Variants in COLQ observed in about 807,000 individuals in gnomAD.
COLQ encodes the protein collagen like tail subunit of asymmetric acetylcholinesterase, also known as acetylcholinesterase collagenic tail peptide.
A neutral mutation model predicts 69.0 loss-of-function variants in COLQ; 48 were observed. The ratio of observed to expected loss-of-function variants is 0.70; its 90% confidence interval spans 0.55 to 0.88. The LOEUF is 0.88. Ranked by LOEUF, COLQ falls within the 40% of genes least tolerant of loss-of-function variation. The pLI is 0.00. For synonymous variants in COLQ, 217 were observed against 211.2 expected (o/e 1.03, Z -0.24); for missense variants, 618 against 594.6 (o/e 1.04, Z -0.41).
intron 12 of COLQ, among the ~76,000 whole-genome samples, chr3:15,460,320 A>G (rs2062093826): frequency 6.6e-6 from 1 of 152,226 alleles, no homozygotes. Context: ...TAAAAGTCAC[A>G]TTCTGGCTGG....
At chr3:15,457,427 G>A (rs1406290010) in intron 13 of COLQ, among the ~76,000 whole-genome samples, 1 of 151,960 alleles carries the variant, frequency 6.6e-6, no homozygotes, top group African/African-American at 2.4e-5. Context: ...GAGTGAGTAG[G>A]CATAAAGAGA....
At chr3:15,513,412 C>T (rs1285860850) in intron 1 of COLQ, among the ~76,000 whole-genome samples, 1 of 152,184 alleles carries the variant, frequency 6.6e-6, no homozygotes, top group East Asian at 1.9e-4. Flanking sequence ...GTGTCTATGC[C>T]AGAGCGCTTC....
intron 1 of COLQ, among the ~76,000 whole-genome samples, chr3:15,492,134 G>A (rs1477179457): frequency 6.6e-6 from 1 of 151,872 alleles, no homozygotes; most frequent in East Asian, 1.9e-4. Flanking sequence ...AACCATATTA[G>A]AATACATAAT....
intron 3 of COLQ, among the ~76,000 whole-genome samples, chr3:15,485,697 C>A (rs990934225): frequency 1.3e-5 from 2 of 152,180 alleles, no homozygotes. Context: ...GTGGCTTATG[C>A]CTATAATCTC....
rs908011552 is a variant in COLQ, at chr3:15,456,096, G to C, written c.1075-77C>G. ...CGCAGGCAGGGAGGTCATTGGTTTT[G>C]GTCCAAAGGCACTGCTGGGGGGCAT... On this transcript the variant is annotated intron_variant, in intron 14 of 16. Transcript: ENST00000383788. 12 of 1,564,826 alleles carry C rather than the reference G, an allele frequency of 7.7e-6. 1 individual carries two copies. The Admixed American group carries it at 8.8e-5, about 11-fold the overall frequency.
chr3:15,499,875 T>C (rs971972660), intron 1 of COLQ, among the ~76,000 whole-genome samples: 1 of 152,200 alleles, frequency 6.6e-6, no homozygotes, highest in Non-Finnish European at 1.5e-5. Flanking sequence ...TTCTTACTTA[T>C]AAAGTGGGCG....
intron 1 of COLQ, among the ~76,000 whole-genome samples, chr3:15,516,141 G>T (rs1291311667): frequency 1.3e-5 from 2 of 152,216 alleles, no homozygotes; most frequent in East Asian, 3.9e-4. Flanking sequence ...TTTAATTTAA[G>T]AATCCTCTCT....
intron 1 of COLQ, 106 bp downstream of exon 1, chr3:15,521,414 C>T: frequency 1.3e-5 from 19 of 1,470,360 alleles, no homozygotes; most frequent in Non-Finnish European, 1.8e-5. Flanking sequence ...CCTCCCTCCA[C>T]CAACAGTTGA....
chr3:15,514,281 G>C (rs1012864284), intron 1 of COLQ, among the ~76,000 whole-genome samples: 2 of 152,082 alleles, frequency 1.3e-5, no homozygotes, highest in African/African-American at 4.8e-5. Flanking sequence ...AGGTGAGCTA[G>C]AACAGAGGCT....
At chr3:15,458,989 G>A (rs1358021057) in intron 12 of COLQ, among the ~76,000 whole-genome samples, 2 of 151,900 alleles carry the variant, frequency 1.3e-5, no homozygotes, top group East Asian at 1.9e-4. Context: ...GATTACGGGT[G>A]TGTGCCACCA....
chr3:15,480,192 T>A (rs915053312), intron 3 of COLQ, among the ~76,000 whole-genome samples: 2 of 152,238 alleles, frequency 1.3e-5, no homozygotes, highest in African/African-American at 2.4e-5. Context: ...TTTCTTTTTT[T>A]AAATTATACT....
In COLQ at chr3:15,450,871, CAG is replaced by C. The variant is rs999197428; in HGVS notation, c.*771_*772del. 5 of 152,440 alleles carry C rather than the reference CAG, an allele frequency of 3.3e-5. No homozygotes were observed. The highest frequency in any genetic ancestry group is 7.2e-5 in the African/African-American group (3 of 41,428). The allele number at this position is 152,440 out of a possible 1,614,324, so 9.4% of individuals were successfully genotyped here. ...ATGGACATGAGGGACATTTTTGAGACAGGGGGCAAAGTGCAGAGAGAGCCAAG... is the reference window on the plus strand; with the variant it reads ...ATGGACATGAGGGACATTTTTGAGACGGGGCAAAGTGCAGAGAGAGCCAAG... On this transcript the variant is annotated 3_prime_UTR_variant, in exon 17 of 17. Transcript: ENST00000383788.
chr3:15,490,629 A>G (rs1248484614), intron 1 of COLQ, among the ~76,000 whole-genome samples: 1 of 152,232 alleles, frequency 6.6e-6, no homozygotes, highest in Non-Finnish European at 1.5e-5. Flanking sequence ...TGACTATATC[A>G]CAACCTACTC....
At chr3:15,467,620 C>G in intron 11 of COLQ, 1 of 330,636 alleles carries the variant, frequency 3.0e-6, no homozygotes, top group Non-Finnish European at 5.9e-6. Flanking sequence ...CACCCCGAAA[C>G]CAAGGCTGGT....
chr3:15,521,615 A>G lies in COLQ; in HGVS notation c.11T>C (p.Leu4Pro). MVVLNPMTLGIYLQ... is the reference protein window; with the variant it reads MVVPNPMTLGIYLQ... ...ATAAATTCCCAAAGTCATTGGATTCAGGACAACCATGCTGGCCAGGGTCTG... is the reference window on the plus strand; with the variant it reads ...ATAAATTCCCAAAGTCATTGGATTCGGGACAACCATGCTGGCCAGGGTCTG... Residue 4 changes from leucine (L) to proline (P), a missense_variant, in exon 1 of 17, where the codon CTG becomes CCG. Coordinates refer to ENST00000383788, the MANE Select transcript of COLQ (RefSeq NM_005677.4). The G allele has an allele frequency of 6.2e-7, 1 of 1,614,212 alleles. No individual in the cohort carries two copies. The highest frequency in any genetic ancestry group is 8.5e-7 in the Non-Finnish European group (1 of 1,180,042).
At chr3:15,505,545 G>A (rs2062898226) in intron 1 of COLQ, among the ~76,000 whole-genome samples, 1 of 152,228 alleles carries the variant, frequency 6.6e-6, no homozygotes, top group South Asian at 2.1e-4. Flanking sequence ...TAAGTAGAGA[G>A]GAAGGCGGAG....
At chr3:15,498,901 C>T in intron 1 of COLQ, 2 of 1,306,438 alleles carry the variant, frequency 1.5e-6, no homozygotes, top group Non-Finnish European at 2.0e-6. Context: ...ATACTTATCC[C>T]CCTGCAAGCC....
chr3:15,470,895 A>G (rs773749835), intron 10 of COLQ, among the ~76,000 whole-genome samples: 2 of 152,232 alleles, frequency 1.3e-5, no homozygotes, highest in East Asian at 1.9e-4. Context: ...ATGGCCAAAT[A>G]GAAGAGACAA....
At chr3:15,504,586 T>C (rs1322620045) in intron 1 of COLQ, among the ~76,000 whole-genome samples, 4 of 152,196 alleles carry the variant, frequency 2.6e-5, no homozygotes, top group African/African-American at 9.7e-5. Context: ...TGGCTGGGCA[T>C]GGTGGCTCAT....
Sources: gnomAD v4.1 joint callset for allele counts (sites outside exome capture counted in the v4.1 genomes callset) on GRCh38, gnomAD v4.1.1 for gene constraint, MANE v1.5 for transcripts, NCBI Gene and HGNC (gene_info 2026-07-23, HGNC 2026-07-21) for gene names.